Variants in PDXDC1 observed in about 807,000 individuals in gnomAD.
PDXDC1 encodes pyridoxal dependent decarboxylase domain containing 1.
PDXDC1 carries 42 observed loss-of-function variants against 100.1 expected under a neutral mutation model. That is an observed-to-expected ratio of 0.42 (90% confidence interval 0.33 to 0.54). The LOEUF (loss-of-function observed/expected upper bound fraction) is 0.54, where lower values mean the gene tolerates loss of function less well. Ranked by LOEUF, PDXDC1 falls within the 20% of genes least tolerant of loss-of-function variation. The probability of loss-of-function intolerance (pLI) is 0.10; values close to 1 mark genes in which losing one functional copy is unlikely to be tolerated. For missense variants in PDXDC1, 636 were observed against 979.2 expected, an observed-to-expected ratio of 0.65 and a Z score of 4.68; for synonymous variants, 260 against 371.7, an observed-to-expected ratio of 0.70 and a Z score of 3.46.
chr16:15,125,416 C>T (rs961399693), intron 16 of PDXDC1: 223 of 809,316 alleles, frequency 2.8e-4, no homozygotes, highest in Non-Finnish European at 6.8e-5. Flanking sequence ...CCTGGGCTTC[C>T]GAGCAAACCT....
chr16:15,092,739 C>T, intron 16 of PDXDC1: 1 of 656,338 alleles, frequency 1.5e-6, no homozygotes, highest in Non-Finnish European at 2.7e-6. Context: ...GGTCTCCCTG[C>T]TTCCACTCTT....
chr16:15,057,529 A>G (rs1054762610), intron 16 of PDXDC1, among the ~76,000 whole-genome samples: 2 of 152,234 alleles, frequency 1.3e-5, no homozygotes, highest in African/African-American at 4.8e-5. Flanking sequence ...AGATGCTCCT[A>G]GACTGTACTG....
chr16:15,136,391 G>A (rs982949890), intron 16 of PDXDC1, among the ~76,000 whole-genome samples: 45 of 152,114 alleles, frequency 3.0e-4, no homozygotes, highest in Non-Finnish European at 4.7e-4. Context: ...CCCAGCTCGC[G>A]TCCACCTCTG....
intron 16 of PDXDC1, chr16:15,055,822 G>A: frequency 4.8e-6 from 4 of 840,024 alleles, no homozygotes; most frequent in South Asian, 5.9e-5. Flanking sequence ...GTCGCGTGAG[G>A]GGGGCGCTAG....
chr16:15,032,323 C>T (rs1197186598), intron 17 of PDXDC1: 4 of 190,314 alleles, frequency 2.1e-5, no homozygotes, highest in Non-Finnish European at 4.4e-5. Flanking sequence ...TTTTGTATTG[C>T]CCATGAGACT....
Position 15,110,586 on chromosome 16 carries a change from T to C in PDXDC1, c.1400-28293T>C, listed in dbSNP as rs1041565726. 1.2e-5 allele frequency: 19 copies of C among 1,584,936 alleles called. No individual in the cohort carries two copies. In the African/African-American group the frequency reaches 1.6e-4, roughly 13 times the overall value. On this transcript the variant is annotated intron_variant, in intron 16 of 16. Transcript: ENST00000535621. ...GGAAAGGAAGAAACTCTTTTCTTTG[T>C]GTGCATACAAATGGACTTCAGCCCT... is the stretch of plus-strand genomic sequence containing the variant.
chr16:15,100,613 A>G (rs1370547525), intron 16 of PDXDC1, among the ~76,000 whole-genome samples: 2 of 152,164 alleles, frequency 1.3e-5, no homozygotes, highest in African/African-American at 4.8e-5. Flanking sequence ...CCCCACAGTA[A>G]CATTCAAAAA....
intron 16 of PDXDC1, chr16:15,133,843 GT>G (rs2048224793): frequency 6.4e-7 from 1 of 1,573,418 alleles, no homozygotes; most frequent in Non-Finnish European, 8.6e-7. Context: ...ACAGCGCCCA[GT>G]GGGAAGAGGC....
chr16:15,116,117 T>TA (rs1175364451), intron 16 of PDXDC1, among the ~76,000 whole-genome samples: 75 of 114 alleles, frequency 0.66, 26 homozygotes, highest in South Asian at 1. Flanking sequence ...TCAGCATAAG[T>TA]AAAAAAAAAA....
chr16:15,040,136 T>A (rs968595569), downstream of PDXDC1: 9 of 799,718 alleles, frequency 1.1e-5, no homozygotes, highest in Non-Finnish European at 1.5e-5. Context: ...AGTCTTACAT[T>A]TCTACCACCA....
intron 16 of PDXDC1, chr16:15,044,603 C>CA (rs1019502611): frequency 1.7e-5 from 10 of 594,636 alleles, no homozygotes; most frequent in Admixed American, 1.5e-4. Context: ...GGACCCTGCC[C>CA]AGGGGCCCTG....
At chr16:15,009,803 G>A in intron 8 of PDXDC1, 44 bp downstream of exon 8, 1 of 1,613,412 alleles carries the variant, frequency 6.2e-7, no homozygotes, top group East Asian at 2.2e-5. Flanking sequence ...ATATATAGGA[G>A]CGAGGCTACG....
rs529935610 is a variant in PDXDC1, at chr16:15,093,894, G to A, written c.1400-44985G>A. Reference sequence around the variant, plus strand: ...CGCAGAAGGCAGTACCCAGGCCTGGGAAATCACGAAGAGACACAGTCGGGA... The same window carrying A: ...CGCAGAAGGCAGTACCCAGGCCTGGAAAATCACGAAGAGACACAGTCGGGA... On this transcript the variant is annotated intron_variant, in intron 16 of 16. Transcript: ENST00000535621. 2.3e-3 allele frequency: 1,231 copies of A among 527,922 alleles called. 17 individuals are homozygous for A. Among genetic ancestry groups the A allele is most frequent in the African/African-American group, 0.022 (1,104 of 50,158 alleles). 32.7% of individuals were successfully genotyped at this position (527,922 alleles called of 1,614,324 possible). A position where few individuals can be genotyped will look rare whatever the true frequency, so the allele number is the denominator to read the frequency against.
chr16:15,146,701 C>G, the PDXDC1 span, among the ~76,000 whole-genome samples: 2 of 152,174 alleles, frequency 1.3e-5, no homozygotes, highest in African/African-American at 4.8e-5. Flanking sequence ...CAGTGTCTGG[C>G]TCTCACCCTC....
intron 15 of PDXDC1, chr16:15,029,319 T>C (rs572766057): frequency 1.3e-5 from 7 of 559,288 alleles, no homozygotes; most frequent in South Asian, 7.3e-5. Context: ...CAGCTGGCAG[T>C]GTGGAGCCAG....
At chr16:15,076,598 G>A (rs2045465357) in intron 16 of PDXDC1, 2 of 1,613,188 alleles carry the variant, frequency 1.2e-6, no homozygotes, top group South Asian at 1.1e-5. Flanking sequence ...CCCACCACAA[G>A]TTTGAGTTGC....
intron 1 of PDXDC1, chr16:14,989,367 G>T (rs1970163414): frequency 1.2e-6 from 2 of 1,610,748 alleles, no homozygotes; most frequent in African/African-American, 2.7e-5. Context: ...CTTCTTGGCG[G>T]CCACCACCAC....
chr16:15,128,105 A>C, intron 16 of PDXDC1: 1 of 1,608,946 alleles, frequency 6.2e-7, no homozygotes, highest in South Asian at 1.1e-5. Context: ...CCTGATGATG[A>C]CGTGCTGCAG....
intron 16 of PDXDC1, among the ~76,000 whole-genome samples, chr16:15,087,464 G>A (rs771666859): frequency 2.6e-5 from 4 of 152,134 alleles, no homozygotes; most frequent in African/African-American, 4.8e-5. Context: ...TCTGTCCACC[G>A]TCCCACACGC....
Sources: allele counts gnomAD v4.1 joint callset (sites outside exome capture counted in the v4.1 genomes callset), GRCh38; gene constraint gnomAD v4.1.1; transcripts MANE v1.5; gene names NCBI Gene and HGNC (gene_info 2026-07-23, HGNC 2026-07-21).